SLC23A3: variants seen among roughly 807,000 people sequenced by gnomAD.
SLC23A3 encodes the protein E2-binding protein 3.
A neutral mutation model predicts 64.7 loss-of-function variants in SLC23A3; 41 were observed. The ratio of observed to expected loss-of-function variants is 0.63; its 90% CI spans 0.49 to 0.82. The LOEUF (loss-of-function observed/expected upper bound fraction) is 0.82, where lower values mean the gene tolerates loss of function less well. SLC23A3 is among the 40% of genes least tolerant of loss of function. The pLI, the probability that SLC23A3 is intolerant of heterozygous loss-of-function variation, is 0.00. For synonymous variants in SLC23A3, 281 were observed against 306.8 expected, an observed-to-expected ratio of 0.92 and a Z score of 0.88; for missense variants, 647 against 733.4, an observed-to-expected ratio of 0.88 and a Z score of 1.36.
rs759018274 is a variant in SLC23A3 at position 219,168,053 on chromosome 2, C to T, written c.799-9G>A. 44 of 1,570,546 alleles carry T rather than the reference C, an allele frequency of 2.8e-5. No individual in the cohort carries two copies. In the African/African-American group the frequency reaches 3.7e-4, roughly 13 times the overall value. On this transcript the variant is annotated splice_polypyrimidine_tract_variant and intron_variant, in intron 6 of 11. Coordinates refer to ENST00000409878, the MANE Select transcript of SLC23A3 (RefSeq NM_001144889.2). ...GCCACTGGGATCAGCACCTGAGGGG[C>T]GAGACTGAGAAAAGAACTCCTCCCC...
chr2:219,166,501 T>C (rs1362441455), intron 7 of SLC23A3, among the ~76,000 whole-genome samples: 4 of 150,188 alleles, frequency 2.7e-5, no homozygotes, highest in African/African-American at 9.7e-5. Flanking sequence ...CTGGCTATTT[T>C]ATTTTATTTT....
rs1453233778 is a variant in SLC23A3, at chr2:219,161,772, G to A, written c.*137C>T. 1.1e-6 allele frequency: 1 copy of A among 937,680 alleles called. No individual in the cohort carries two copies. Among genetic ancestry groups the A allele is most frequent in the East Asian group, 2.6e-5 (1 of 39,204 alleles). 58.1% of individuals were successfully genotyped at this position (937,680 alleles called of 1,614,324 possible). A position where few individuals can be genotyped will look rare whatever the true frequency, so the allele number is the denominator to read the frequency against. ...AAGGAAAGGCAACCCACCCTATTGG[G>A]AAATGGAACCTCTAGACAGTCCCAT... is the stretch of plus-strand genomic sequence containing the variant. On this transcript the variant is annotated 3_prime_UTR_variant, in exon 12 of 12. Coordinates refer to ENST00000409878, the MANE Select transcript of SLC23A3 (RefSeq NM_001144889.2).
chr2:219,168,797 CCTG>C lies in SLC23A3; in HGVS notation c.526_528del (p.Gln176del). Reference sequence around the variant, plus strand: ...GGACTCCCCAGCAGCCCCATCATGCCCTGCAGCAGCCCAGATACTACCACTGCC... The same window carrying C: ...GGACTCCCCAGCAGCCCCATCATGCCCAGCAGCCCAGATACTACCACTGCC... On this transcript the variant is annotated inframe_deletion, in exon 5 of 12. Transcript: ENST00000409878. 6.2e-7 allele frequency: 1 copy of C among 1,601,706 alleles called. No homozygotes were observed. Among genetic ancestry groups the C allele is most frequent in the Non-Finnish European group, 8.5e-7 (1 of 1,173,888 alleles).
intron 9 of SLC23A3, among the ~76,000 whole-genome samples, chr2:219,163,946 C>T (rs991843814): frequency 1.3e-5 from 2 of 152,126 alleles, no homozygotes; most frequent in African/African-American, 4.8e-5. Flanking sequence ...AAGTGATCTG[C>T]CTGTCTGGGC....
chr2:219,169,024 C>T lies in SLC23A3; in HGVS notation c.492+5G>A, dbSNP rs781519433. On this transcript the variant is annotated splice_donor_5th_base_variant and intron_variant, in intron 4 of 11. Coordinates refer to ENST00000409878, the MANE Select transcript of SLC23A3 (RefSeq NM_001144889.2). This position sits in a 1 kb window ranked among gnomAD's most constrained non-coding sequence, Gnocchi z 4.5. ...CCTTATCCCTTCTCACCTCCAGATA[C>T]CCACCTCCTGGAGAGAAGTGTTCCA... 44 of 1,612,884 alleles carry T rather than the reference C, an allele frequency of 2.7e-5. No homozygotes were observed. The highest frequency in any genetic ancestry group is 3.6e-5 in the Non-Finnish European group (43 of 1,178,986).
intron 4 of SLC23A3, 46 bp downstream of exon 4, chr2:219,168,983 C>G (rs759232784): frequency 4.3e-5 from 69 of 1,591,470 alleles, no homozygotes; most frequent in Middle Eastern, 1.7e-4. Flanking sequence ...AGAGCCCCCC[C>G]CAAGCCTGGC....
At chr2:219,166,174 A>G (rs1252754761) in intron 7 of SLC23A3, among the ~76,000 whole-genome samples, 2 of 152,122 alleles carry the variant, frequency 1.3e-5, no homozygotes, top group African/African-American at 4.8e-5. Context: ...GATAAATTCA[A>G]ATTCCCTATT....
Position 219,168,213 on chromosome 2 carries a change from AG to A in SLC23A3, c.779del (p.Pro260LeufsTer9). On this transcript the variant is annotated frameshift_variant, in exon 6 of 12. Transcript: ENST00000409878. LOFTEE classifies it high-confidence loss of function. ...ASTSSTHTPL[P>X]VFRLLSVLIP... ...CACATACCGAAAGGAGCCGGAAGACAGGGAGAGGAGTGTGAGTTGATGACGT... is the reference window on the plus strand; with the variant it reads ...CACATACCGAAAGGAGCCGGAAGACAGGAGAGGAGTGTGAGTTGATGACGT... 1 of 1,614,068 alleles carries A rather than the reference AG, an allele frequency of 6.2e-7. No individual in the cohort carries two copies. The highest frequency in any genetic ancestry group is 1.3e-5 in the African/African-American group (1 of 75,050).
At position 219,169,626 on chromosome 2, in the gene SLC23A3, C is replaced by A. The variant is rs1319321401; in HGVS notation, c.215G>T (p.Cys72Phe). The A allele has an allele frequency of 1.9e-6, 3 of 1,614,184 alleles. No individual in the cohort carries two copies. Among genetic ancestry groups the A allele is most frequent in the East Asian group, 2.2e-5 (1 of 44,888 alleles). ...AGAGAGTCCTCCTGGGGAGAGACTG[C>A]AAAGCAGGAGCAGGTGGGAGACACA... ...LLCVSHLLLLCSLSPGGLSYS... is the reference protein window; with the variant it reads ...LLCVSHLLLLFSLSPGGLSYS... The change falls in exon 2 of 12, where the codon TGC (cysteine) becomes TTC (phenylalanine). Residue 72 changes from cysteine (C) to phenylalanine (F), a missense_variant. Physicochemically the swap from Cys to Phe is radical, Grantham distance 205. Coordinates refer to ENST00000409878, the MANE Select transcript of SLC23A3 (RefSeq NM_001144889.2). This position sits in a 1 kb window ranked among gnomAD's most constrained non-coding sequence, Gnocchi z 4.5.
At position 219,165,342 on chromosome 2, in the gene SLC23A3, G is replaced by A; in HGVS notation, c.994C>T (p.Leu332=). 2 of 1,551,514 alleles carry A rather than the reference G, an allele frequency of 1.3e-6. No individual in the cohort carries two copies. The highest frequency in any genetic ancestry group is 1.7e-6 in the Non-Finnish European group (2 of 1,146,946). Residue 332 remains leucine, a synonymous_variant, in exon 8 of 12, where the codon CTG becomes TTG. Coordinates refer to ENST00000409878, the MANE Select transcript of SLC23A3 (RefSeq NM_001144889.2). ...CGGCCACACAGGGCATAGCAGCCCA[G>A]GGAACTGGTGGAGGCTGCCAAGGCC... The part of the protein sequence containing the change: ...SMALAASTSS[L]GCYALCGRLL...
At chr2:219,168,172 G>A in intron 6 of SLC23A3, 23 bp downstream of exon 6, 1 of 1,612,570 alleles carries the variant, frequency 6.2e-7, no homozygotes, top group African/African-American at 1.3e-5. Flanking sequence ...GACCTCTACT[G>A]CCCTGCCCAG....
At chr2:219,166,289 G>A (rs186205184) in intron 7 of SLC23A3, among the ~76,000 whole-genome samples, 7 of 152,140 alleles carry the variant, frequency 4.6e-5, no homozygotes, top group East Asian at 1.9e-4. Flanking sequence ...TCAATCTCTC[G>A]GGCTCAAGCG....
At chr2:219,167,741 A>T (rs1165222798) in intron 7 of SLC23A3, among the ~76,000 whole-genome samples, 189 bp downstream of exon 7, 1 of 151,966 alleles carries the variant, frequency 6.6e-6, no homozygotes, top group Admixed American at 6.5e-5. Flanking sequence ...CCCTGTCTCA[A>T]ACAAACAAAC....
At position 219,169,354 on chromosome 2, in the gene SLC23A3, G is replaced by A. The variant is rs768566184; in HGVS notation, c.373C>T (p.Leu125=). ...SLEFLIPALV[L]TSQKLPRAIQ... ...GCCCGGGGTAGCTTCTGGCTGGTCA[G>A]CACCAGAGCAGGGATAAGGAACTCT... The change falls in exon 3 of 12, where the codon CTG becomes TTG. Residue 125 remains leucine (L), a synonymous_variant. Coordinates refer to ENST00000409878, the MANE Select transcript of SLC23A3 (RefSeq NM_001144889.2). The surrounding 1 kb of genome is among the most constrained non-coding windows in gnomAD (Gnocchi z 4.5). 1 of 1,614,206 alleles carries A rather than the reference G, an allele frequency of 6.2e-7. No homozygotes were observed. The highest frequency in any genetic ancestry group is 8.5e-7 in the Non-Finnish European group (1 of 1,180,034).
At chr2:219,168,138 T>A in intron 6 of SLC23A3, 57 bp downstream of exon 6, 2 of 1,594,300 alleles carry the variant, frequency 1.3e-6, no homozygotes, top group Non-Finnish European at 1.7e-6. Context: ...GGGGATGGAG[T>A]GAGCACTCCA....
intron 4 of SLC23A3, 23 bp from the exon 5 acceptor site, chr2:219,168,856 G>A (rs1196478011): frequency 3.2e-6 from 5 of 1,569,482 alleles, no homozygotes; most frequent in Non-Finnish European, 4.3e-6. Context: ...AGGAGAGGAT[G>A]GAGAGAAAAC....
At chr2:219,166,503 TTTTATTTTATTTTA>T (rs1559209726) in intron 7 of SLC23A3, among the ~76,000 whole-genome samples, 1 of 149,602 alleles carries the variant, frequency 6.7e-6, no homozygotes, top group Admixed American at 6.7e-5. Flanking sequence ...GGCTATTTTA[TTTTATTTTATTTTA>T]TTTATTTTAT....
Position 219,169,420 on chromosome 2 carries a change from A to C in SLC23A3, c.321-14T>G. 6.2e-7 allele frequency: 1 copy of C among 1,614,148 alleles called. No homozygotes were observed. Among genetic ancestry groups the C allele is most frequent in the Non-Finnish European group, 8.5e-7 (1 of 1,180,008 alleles). On this transcript the variant is annotated splice_polypyrimidine_tract_variant and intron_variant, in intron 2 of 11. Transcript: ENST00000409878. This position sits in a 1 kb window ranked among gnomAD's most constrained non-coding sequence, Gnocchi z 4.5. Reference sequence around the variant, plus strand: ...ACAAGAGGCAGCCTGTAGGAACAGCAGCCCCAGCAGGTCTGGGACTATGTG... The same window carrying C: ...ACAAGAGGCAGCCTGTAGGAACAGCCGCCCCAGCAGGTCTGGGACTATGTG...
intron 7 of SLC23A3, among the ~76,000 whole-genome samples, chr2:219,166,230 C>G (rs1293642039): frequency 6.6e-6 from 1 of 152,108 alleles, no homozygotes; most frequent in Non-Finnish European, 1.5e-5. Flanking sequence ...GGTCCTTGCT[C>G]TGTTACCCAG....
Sources: gnomAD v4.1 joint callset for allele counts (sites outside exome capture counted in the v4.1 genomes callset) on GRCh38, gnomAD v4.1.1 for gene constraint, Gnocchi (gnomAD v3.1) non-coding constraint, MANE v1.5 for transcripts, NCBI Gene and HGNC (gene_info 2026-07-23, HGNC 2026-07-21) for gene names.